Variants in BAZ2B observed in about 807,000 individuals in gnomAD.
BAZ2B encodes bromodomain adjacent to zinc finger domain protein 2B.
In BAZ2B, 91 loss-of-function variants were observed where a neutral mutation model predicts 246.0. That is an observed-to-expected ratio of 0.37 (90% CI 0.31 to 0.44). The LOEUF (loss-of-function observed/expected upper bound fraction) is 0.44, where lower values mean the gene tolerates loss of function less well. BAZ2B is among the 20% of genes least tolerant of loss of function. The pLI, the probability that BAZ2B is intolerant of heterozygous loss-of-function variation, is 1.00. For synonymous variants in BAZ2B, 855 were observed against 860.0 expected (o/e 0.99, Z 0.10); for missense variants, 2,332 against 2,533.7 (o/e 0.92, Z 1.71).
chr2:159,459,440 G>T (rs561725676), intron 3 of BAZ2B: 1 of 152,276 alleles, frequency 6.6e-6, no homozygotes, highest in South Asian at 2.1e-4. Context: ...CACTCACAAG[G>T]TTAGTAAAAG....
intron 2 of BAZ2B, among the ~76,000 whole-genome samples, chr2:159,503,706 A>G (rs1239366981): frequency 6.6e-6 from 1 of 151,840 alleles, no homozygotes; most frequent in Admixed American, 6.6e-5. Context: ...CAGCCTCCCA[A>G]GTAGCTGGAA....
At chr2:159,581,609 AG>A (rs1324898395) in intron 1 of BAZ2B, among the ~76,000 whole-genome samples, 1 of 152,206 alleles carries the variant, frequency 6.6e-6, no homozygotes, top group Non-Finnish European at 1.5e-5. Context: ...GCTGCTATAA[AG>A]ACACATGCAC....
chr2:159,467,157 G>GA (rs1487876561), intron 3 of BAZ2B, among the ~76,000 whole-genome samples: 3 of 152,142 alleles, frequency 2.0e-5, no homozygotes, highest in Non-Finnish European at 2.9e-5. Context: ...AAGATAAGGG[G>GA]TCAGAATGAG....
chr2:159,493,200 G>C (rs1455083739), intron 2 of BAZ2B, among the ~76,000 whole-genome samples: 1 of 152,062 alleles, frequency 6.6e-6, no homozygotes, highest in East Asian at 1.9e-4. Flanking sequence ...ATATCTAAAA[G>C]TGCACTGTCC....
At chr2:159,579,038 C>G (rs1686060420) in intron 1 of BAZ2B, among the ~76,000 whole-genome samples, 1 of 152,060 alleles carries the variant, frequency 6.6e-6, no homozygotes, top group African/African-American at 2.4e-5. Context: ...CAAACAAATT[C>G]AAAAGCTAGC....
chr2:159,572,747 G>C (rs1305723687), intron 1 of BAZ2B, among the ~76,000 whole-genome samples: 2 of 152,068 alleles, frequency 1.3e-5, no homozygotes, highest in Non-Finnish European at 2.9e-5. Context: ...ATAAGTACAT[G>C]CTTTTAAACT....
chr2:159,365,212 T>C (rs2060096457), intron 27 of BAZ2B, among the ~76,000 whole-genome samples: 1 of 152,162 alleles, frequency 6.6e-6, no homozygotes, highest in Non-Finnish European at 1.5e-5. Context: ...TGGTACTAAG[T>C]GGCTGTTCTA....
the BAZ2B span, among the ~76,000 whole-genome samples, chr2:159,674,737 G>T: frequency 6.6e-6 from 1 of 151,310 alleles, no homozygotes; most frequent in Non-Finnish European, 1.5e-5. Context: ...AAAAAAGAAT[G>T]GGGAAAACCT....
At chr2:159,612,327 ACTTAATTTTATGTAACCAAAAAAACT>A (rs1694882299) in intron 1 of BAZ2B, among the ~76,000 whole-genome samples, 1 of 152,114 alleles carries the variant, frequency 6.6e-6, no homozygotes, top group African/African-American at 2.4e-5. Context: ...GGTAAAAAAT[ACTTAATTTTATGTAACCAAAAAAACT>A]CTTAAAATAC....
chr2:159,347,411 A>AT, intron 31 of BAZ2B, 75 bp downstream of exon 31: 1 of 1,423,878 alleles, frequency 7.0e-7, no homozygotes. Context: ...ATTAACTAGC[A>AT]TATATTAGGC....
At chr2:159,507,819 G>A (rs1403631962) in intron 2 of BAZ2B, among the ~76,000 whole-genome samples, 1 of 152,154 alleles carries the variant, frequency 6.6e-6, no homozygotes, top group Non-Finnish European at 1.5e-5. Flanking sequence ...AAGAGATCAT[G>A]TTGTTTCAAA....
the BAZ2B span, among the ~76,000 whole-genome samples, chr2:159,652,686 C>G: frequency 8.9e-4 from 136 of 152,076 alleles, no homozygotes; most frequent in African/African-American, 3.2e-3. Context: ...GGTATAAACA[C>G]GATTTACTAA....
intron 13 of BAZ2B, among the ~76,000 whole-genome samples, chr2:159,425,099 T>C (rs1156600215): frequency 1.3e-5 from 2 of 152,248 alleles, no homozygotes; most frequent in Non-Finnish European, 2.9e-5. Flanking sequence ...ACAATCTCCA[T>C]GCATTTGGAA....
chr2:159,336,863 T>C, intron 33 of BAZ2B, 79 bp downstream of exon 33: 1 of 1,250,856 alleles, frequency 8.0e-7, no homozygotes, highest in Non-Finnish European at 1.1e-6. Flanking sequence ...AGGTAATGTA[T>C]AATTAAGAAA....
intron 3 of BAZ2B, among the ~76,000 whole-genome samples, chr2:159,454,770 T>C (rs2075532479): frequency 6.6e-6 from 1 of 152,206 alleles, no homozygotes; most frequent in Admixed American, 6.5e-5. Context: ...TTTCTAAATG[T>C]GTTCACAAGT....
chr2:159,348,981 G>A, intron 29 of BAZ2B, 26 bp downstream of exon 29: 1 of 1,609,182 alleles, frequency 6.2e-7, no homozygotes, highest in Non-Finnish European at 8.5e-7. Context: ...TGAGTAAGTG[G>A]CTGTAAACCA....
At chr2:159,579,238 G>A (rs572017451) in intron 1 of BAZ2B, among the ~76,000 whole-genome samples, 3 of 152,126 alleles carry the variant, frequency 2.0e-5, no homozygotes, top group Non-Finnish European at 4.4e-5. Context: ...AATGACAAAC[G>A]GGGTATCACC....
At chr2:159,669,995 G>A in the BAZ2B span, among the ~76,000 whole-genome samples, 2 of 151,646 alleles carry the variant, frequency 1.3e-5, no homozygotes, top group African/African-American at 2.4e-5. Context: ...TCTTGAGATC[G>A]AGTCTTGCTC....
At chr2:159,472,663 A>G (rs2077960710) in intron 3 of BAZ2B, among the ~76,000 whole-genome samples, 1 of 152,232 alleles carries the variant, frequency 6.6e-6, no homozygotes, top group Non-Finnish European at 1.5e-5. Flanking sequence ...GGTTCCATCA[A>G]TACCTAGTTT....
Sources: allele counts gnomAD v4.1 joint callset (sites outside exome capture counted in the v4.1 genomes callset), GRCh38; gene constraint gnomAD v4.1.1; transcripts MANE v1.5; gene names NCBI Gene and HGNC (gene_info 2026-07-23, HGNC 2026-07-21).